Variants in ZCCHC24 observed in about 807,000 individuals in gnomAD.
The protein encoded by ZCCHC24 is zinc finger CCHC-type containing 24, also known as zinc finger CCHC domain-containing protein 24.
A neutral mutation model predicts 26.2 loss-of-function variants in ZCCHC24; 10 were observed. That is an observed-to-expected ratio of 0.38 (90% CI 0.24 to 0.65). The LOEUF is 0.65. ZCCHC24 is among the 30% of genes least tolerant of loss of function. The pLI is 0.54. For synonymous variants in ZCCHC24, 144 were observed against 147.1 expected (o/e 0.98, Z 0.15); for missense variants, 243 against 329.1 (o/e 0.74, Z 2.03).
intron 1 of ZCCHC24, among the ~76,000 whole-genome samples, chr10:79,435,650 G>T (rs914790510): frequency 6.6e-6 from 1 of 152,226 alleles, no homozygotes; most frequent in Admixed American, 6.5e-5. Context: ...GGTAGAGACC[G>T]TCAGCTGACC....
At chr10:79,398,480 AG>A (rs1249314011) in intron 2 of ZCCHC24, among the ~76,000 whole-genome samples, 2 of 152,054 alleles carry the variant, frequency 1.3e-5, no homozygotes, top group African/African-American at 4.8e-5. Flanking sequence ...GCACTAGGAG[AG>A]GGAGCAGAGG....
At chr10:79,429,321 G>T (rs1175211023) in intron 2 of ZCCHC24, among the ~76,000 whole-genome samples, 1 of 152,230 alleles carries the variant, frequency 6.6e-6, no homozygotes, top group Non-Finnish European at 1.5e-5. Flanking sequence ...GGTGGCTCAT[G>T]CCTGTAATCC....
Position 79,385,734 on chromosome 10 carries a change from A to C in ZCCHC24, c.*611T>G. The C allele has an allele frequency of 6.2e-6, 1 of 160,522 alleles. No homozygotes were observed. Among genetic ancestry groups the C allele is most frequent in the East Asian group, 1.8e-4 (1 of 5,520 alleles). The allele number at this position is 160,522 out of a possible 1,614,324, so 9.9% of individuals were successfully genotyped here. On this transcript the variant is annotated 3_prime_UTR_variant, in exon 4 of 4. Coordinates refer to ENST00000372336, the MANE Select transcript of ZCCHC24 (RefSeq NM_153367.4). This position sits in a 1 kb window ranked among gnomAD's most constrained non-coding sequence, Gnocchi z 4.3. Reference sequence around the variant, plus strand: ...TCCTATCTGGGTCCATAGCGTGGGGAGGGGGGCACACCCAGGTGCAATGCC... The same window carrying C: ...TCCTATCTGGGTCCATAGCGTGGGGCGGGGGGCACACCCAGGTGCAATGCC...
chr10:79,407,262 C>G (rs943874882), intron 2 of ZCCHC24, among the ~76,000 whole-genome samples: 1 of 152,214 alleles, frequency 6.6e-6, no homozygotes, highest in Admixed American at 6.5e-5. Context: ...GAGGAGCACT[C>G]GGTGGTGTGG....
chr10:79,433,244 A>G (rs1397918199), intron 1 of ZCCHC24, among the ~76,000 whole-genome samples: 1 of 152,238 alleles, frequency 6.6e-6, no homozygotes, highest in Non-Finnish European at 1.5e-5. Flanking sequence ...TTGTAAGGAA[A>G]GGGAATGTCA....
At chr10:79,441,502 G>A (rs1214099300) in intron 1 of ZCCHC24, among the ~76,000 whole-genome samples, 1 of 152,032 alleles carries the variant, frequency 6.6e-6, no homozygotes, top group Non-Finnish European at 1.5e-5. Context: ...CTTCCTAAAG[G>A]TTGGAACTAT....
At chr10:79,392,292 C>T (rs1472849166) in intron 3 of ZCCHC24, among the ~76,000 whole-genome samples, 2 of 152,118 alleles carry the variant, frequency 1.3e-5, no homozygotes, top group African/African-American at 4.8e-5. Flanking sequence ...TGCACACCTC[C>T]CTGGGCCTGG....
At chr10:79,420,308 A>G (rs1856919689) in intron 2 of ZCCHC24, among the ~76,000 whole-genome samples, 1 of 152,042 alleles carries the variant, frequency 6.6e-6, no homozygotes, top group Admixed American at 6.5e-5. Flanking sequence ...CTGAGAAAGC[A>G]CAGCCTTGTC....
At chr10:79,407,476 T>C (rs1224867566) in intron 2 of ZCCHC24, among the ~76,000 whole-genome samples, 1 of 152,206 alleles carries the variant, frequency 6.6e-6, no homozygotes, top group Non-Finnish European at 1.5e-5. Flanking sequence ...GGGGCATTGG[T>C]ACACTGCACG....
chr10:79,408,368 C>T (rs911743193), intron 2 of ZCCHC24, among the ~76,000 whole-genome samples: 4 of 152,178 alleles, frequency 2.6e-5, no homozygotes, highest in African/African-American at 9.7e-5. Flanking sequence ...ATGTATCTGA[C>T]CAGCTTGATG....
chr10:79,438,241 C>G (rs758932337), intron 1 of ZCCHC24, among the ~76,000 whole-genome samples: 3 of 152,204 alleles, frequency 2.0e-5, no homozygotes, highest in Non-Finnish European at 2.9e-5. Flanking sequence ...CACACACACG[C>G]ACCCACACTC....
Position 79,382,534 on chromosome 10 carries a change from A to G in ZCCHC24, c.*3811T>C, listed in dbSNP as rs573727030. The G allele has an allele frequency of 1.1e-4, 17 of 152,986 alleles. No individual in the cohort carries two copies. The highest frequency in any genetic ancestry group is 4.1e-4 in the African/African-American group (17 of 41,574). 9.5% of individuals were successfully genotyped at this position (152,986 alleles called of 1,614,324 possible). On this transcript the variant is annotated 3_prime_UTR_variant, in exon 4 of 4. Coordinates refer to ENST00000372336, the MANE Select transcript of ZCCHC24 (RefSeq NM_153367.4). ...TAGCTGGACTCACACGTATGGACAG[A>G]CACAGACACGGACGGGGTCACCGCA... is the stretch of plus-strand genomic sequence containing the variant.
intron 2 of ZCCHC24, among the ~76,000 whole-genome samples, chr10:79,429,946 AC>A (rs1857103686): frequency 1.3e-5 from 2 of 152,124 alleles, no homozygotes; most frequent in African/African-American, 4.8e-5. Flanking sequence ...GGTGAGGAGC[AC>A]AGAGATGAAT....
At chr10:79,438,654 T>A (rs955599070) in intron 1 of ZCCHC24, among the ~76,000 whole-genome samples, 1 of 152,248 alleles carries the variant, frequency 6.6e-6, no homozygotes, top group Non-Finnish European at 1.5e-5. Context: ...CACAGTTCCC[T>A]GGACACAGTC....
intron 3 of ZCCHC24, among the ~76,000 whole-genome samples, chr10:79,389,476 T>G (rs942739688): frequency 6.6e-6 from 1 of 151,916 alleles, no homozygotes; most frequent in African/African-American, 2.4e-5. Context: ...CAACCTCAAC[T>G]TGCCCTTTTG....
At chr10:79,391,686 C>T (rs1011279707) in intron 3 of ZCCHC24, among the ~76,000 whole-genome samples, 5 of 151,940 alleles carry the variant, frequency 3.3e-5, no homozygotes, top group African/African-American at 1.2e-4. Context: ...GGCCACTTAT[C>T]TGCCCTTCCA....
chr10:79,392,590 A>G (rs1007327187), intron 3 of ZCCHC24, among the ~76,000 whole-genome samples: 2 of 152,106 alleles, frequency 1.3e-5, no homozygotes, highest in African/African-American at 4.8e-5. Context: ...AAGCTCTACT[A>G]TCTCCACAAC....
intron 2 of ZCCHC24, among the ~76,000 whole-genome samples, chr10:79,412,589 T>A (rs1245395556): frequency 1.3e-5 from 2 of 152,198 alleles, no homozygotes; most frequent in Non-Finnish European, 2.9e-5. Flanking sequence ...ACCACTAGCA[T>A]CTCTTCTAGA....
intron 2 of ZCCHC24, among the ~76,000 whole-genome samples, chr10:79,414,796 C>G (rs1856838491): frequency 6.6e-6 from 1 of 152,062 alleles, no homozygotes; most frequent in South Asian, 2.1e-4. Context: ...TTTCTAGCAC[C>G]AAAAACCAAA....
Sources: allele counts gnomAD v4.1 joint callset (sites outside exome capture counted in the v4.1 genomes callset), GRCh38; gene constraint gnomAD v4.1.1; non-coding constraint Gnocchi (gnomAD v3.1); transcripts MANE v1.5; gene names NCBI Gene and HGNC (gene_info 2026-07-23, HGNC 2026-07-21).